The following ADD2 variants were observed in gnomAD, a reference collection of about 807,000 sequenced individuals.
ADD2 encodes beta-adducin.
In ADD2, 23 loss-of-function variants were observed where a neutral mutation model predicts 83.0. That is an observed-to-expected ratio of 0.28 (90% confidence interval 0.20 to 0.39). The LOEUF is 0.39. ADD2 is among the 10% of genes least tolerant of loss of function. The probability of loss-of-function intolerance (pLI) is 1.00; values close to 1 mark genes in which losing one functional copy is unlikely to be tolerated. For missense variants in ADD2, 758 were observed against 944.9 expected, an observed-to-expected ratio of 0.80 and a Z score of 2.59; for synonymous variants, 375 against 375.4, an observed-to-expected ratio of 1.00 and a Z score of 0.01.
At chr2:70,738,421 T>C (rs1488125238) in intron 1 of ADD2, among the ~76,000 whole-genome samples, 2 of 152,210 alleles carry the variant, frequency 1.3e-5, no homozygotes, top group Non-Finnish European at 2.9e-5. Context: ...GGGATTCATA[T>C]AGGCACTTGT....
chr2:70,692,631 C>T, intron 6 of ADD2, 79 bp from the exon 7 acceptor site: 1 of 1,429,294 alleles, frequency 7.0e-7, no homozygotes, highest in Non-Finnish European at 9.3e-7. Flanking sequence ...GTGGGCCCAG[C>T]ATGTGCCGCC....
At chr2:70,695,896 C>T in intron 5 of ADD2, 95 bp from the exon 6 acceptor site, 1 of 1,042,134 alleles carries the variant, frequency 9.6e-7, no homozygotes, top group Non-Finnish European at 1.5e-6. Context: ...GAATCTACTG[C>T]ACCCAAGTCC....
rs151334053 is a variant in ADD2, at chr2:70,764,671, C to A, written c.-154+3215G>T. On this transcript the variant is annotated intron_variant, in intron 1 of 15. Coordinates refer to ENST00000264436, the MANE Select transcript of ADD2 (RefSeq NM_001617.4). Reference sequence around the variant, plus strand: ...TAGTGGCTCATGCCTGTAGTCACAGCTACTCAGGAGGGAGAGGTGGGAGGA... The same window carrying A: ...TAGTGGCTCATGCCTGTAGTCACAGATACTCAGGAGGGAGAGGTGGGAGGA... Among the ~76,000 whole-genome samples, 732 of 152,080 alleles carry A rather than the reference C, an allele frequency of 4.8e-3. 28 individuals carry two copies. The highest frequency in any genetic ancestry group is 0.016 in the African/African-American group (680 of 41,318).
chr2:70,697,682 A>G (rs1671377965), intron 4 of ADD2, among the ~76,000 whole-genome samples: 1 of 152,162 alleles, frequency 6.6e-6, no homozygotes, highest in Admixed American at 6.5e-5. Context: ...TACGATGTAT[A>G]TCCTGCATCG....
chr2:70,741,860 C>T (rs1416325694), intron 1 of ADD2, among the ~76,000 whole-genome samples: 1 of 152,206 alleles, frequency 6.6e-6, no homozygotes, highest in African/African-American at 2.4e-5. Flanking sequence ...TTGTGATCAG[C>T]AGCCTCGGTC....
chr2:70,742,146 T>C (rs139360607), intron 1 of ADD2, among the ~76,000 whole-genome samples: 231 of 152,366 alleles, frequency 1.5e-3, no homozygotes, highest in Admixed American at 3.8e-3. Flanking sequence ...ACCAATACCT[T>C]GTGCTAATTC....
intron 9 of ADD2, among the ~76,000 whole-genome samples, chr2:70,685,047 G>A (rs1454528354): frequency 2.0e-5 from 3 of 152,144 alleles, no homozygotes; most frequent in Admixed American, 6.5e-5. Context: ...AAGAGACAAT[G>A]GCTTATGAAT....
At position 70,657,504 on chromosome 2, in the gene ADD2, T is replaced by A. The variant is rs1675400801; in HGVS notation, c.*5921A>T. 1 of 152,066 alleles carries A rather than the reference T, an allele frequency of 6.6e-6. No individual in the cohort carries two copies. Among genetic ancestry groups the A allele is most frequent in the Admixed American group, 6.6e-5 (1 of 15,266 alleles). The allele number at this position is 152,066 out of a possible 1,614,324, so 9.4% of individuals were successfully genotyped here. A position where few individuals can be genotyped will look rare whatever the true frequency, so the allele number is the denominator to read the frequency against. On this transcript the variant is annotated 3_prime_UTR_variant, in exon 16 of 16. Coordinates refer to ENST00000264436, the MANE Select transcript of ADD2 (RefSeq NM_001617.4). ...AGGTGGGGCAGTCCTTGGGTATCAA[T>A]CAATCACCCACAAAGCAGGACCAAC...
intron 1 of ADD2, among the ~76,000 whole-genome samples, chr2:70,741,756 C>T (rs184017708): frequency 5.9e-4 from 90 of 152,294 alleles, no homozygotes; most frequent in Admixed American, 2.0e-3. Flanking sequence ...CACTGAAACT[C>T]AATGGACATG....
rs1045697447 is a variant in ADD2, at chr2:70,656,911, G to T, written c.*6514C>A. The T allele has an allele frequency of 1.3e-5, 2 of 152,124 alleles. No individual in the cohort carries two copies. Among genetic ancestry groups the T allele is most frequent in the East Asian group, 1.9e-4 (1 of 5,188 alleles). The allele number at this position is 152,124 out of a possible 1,614,324, so 9.4% of individuals were successfully genotyped here. On this transcript the variant is annotated 3_prime_UTR_variant, in exon 16 of 16. Coordinates refer to ENST00000264436, the MANE Select transcript of ADD2 (RefSeq NM_001617.4). The stretch of plus-strand genomic sequence containing the variant: ...CGTCAGACACCAAAGCAGCAGGAGG[G>T]CTCAGGAAGTGGCTTTGGAAAGTTC...
At chr2:70,707,661 C>T (rs550520178) in intron 2 of ADD2, among the ~76,000 whole-genome samples, 1 of 152,368 alleles carries the variant, frequency 6.6e-6, no homozygotes, top group South Asian at 2.1e-4. Context: ...TTGGCCTTCT[C>T]CCTGCTGGCT....
At position 70,676,823 on chromosome 2, in the gene ADD2, G is replaced by A. The variant is rs148402316; in HGVS notation, c.1566C>T (p.Ser522=). 289 of 1,614,190 alleles carry A rather than the reference G, an allele frequency of 1.8e-4. No individual in the cohort carries two copies. The African/African-American group carries it at 3.5e-3, about 19-fold the overall frequency. ...GGCTTCGGCTCTTCTCGGCAATGAC[G>A]CTCGCCAGGAGCTGGGACTGAGGCC... ...SAGPQSQLLA[S]VIAEKSRSPS... Residue 522 remains serine, a synonymous_variant, in exon 13 of 16, where the codon AGC becomes AGT. Transcript: ENST00000264436. This position sits in a 1 kb window ranked among gnomAD's most constrained non-coding sequence, Gnocchi z 4.8.
At chr2:70,679,874 T>G (rs1409013861) in intron 10 of ADD2, among the ~76,000 whole-genome samples, 1 of 152,146 alleles carries the variant, frequency 6.6e-6, no homozygotes, top group Non-Finnish European at 1.5e-5. Flanking sequence ...CCTTTGTAAA[T>G]TGTTTATGTT....
intron 4 of ADD2, among the ~76,000 whole-genome samples, chr2:70,703,117 G>A (rs547059825): frequency 7.3e-5 from 11 of 150,148 alleles, no homozygotes; most frequent in East Asian, 3.9e-4. Context: ...GAGATTCTGC[G>A]TGAAAGAAAG....
chr2:70,708,593 C>T (rs1187663013), intron 2 of ADD2, among the ~76,000 whole-genome samples: 2 of 152,190 alleles, frequency 1.3e-5, no homozygotes, highest in African/African-American at 4.8e-5. Flanking sequence ...CTGACTCTCA[C>T]ATCACAGGCC....
At chr2:70,704,273 ACCCTC>A in intron 4 of ADD2, 43 bp downstream of exon 4, 2 of 523,336 alleles carry the variant, frequency 3.8e-6, no homozygotes, top group Non-Finnish European at 6.1e-6. Flanking sequence ...TCCCCACCCC[ACCCTC>A]CCCTCCACCT....
Position 70,706,031 on chromosome 2 carries a change from G to A in ADD2, c.183+195C>T, listed in dbSNP as rs1671867209. 6.6e-6 allele frequency among the ~76,000 whole-genome samples: 1 copy of A among 152,226 alleles called. No individual in the cohort carries two copies. Among genetic ancestry groups the A allele is most frequent in the Non-Finnish European group, 1.5e-5 (1 of 68,040 alleles). On this transcript the variant is annotated intron_variant, in intron 3 of 15. Coordinates refer to ENST00000264436, the MANE Select transcript of ADD2 (RefSeq NM_001617.4). The surrounding 1 kb of genome is among the most constrained non-coding windows in gnomAD (Gnocchi z 5.0). ...CACCAAGCCAAACTGCCACACACAA[G>A]CCAGGTTCTGCCATCCACCAGTTAC...
chr2:70,664,793 G>T (rs895445202), intron 15 of ADD2, among the ~76,000 whole-genome samples: 2 of 151,918 alleles, frequency 1.3e-5, no homozygotes, highest in African/African-American at 2.4e-5. Context: ...GTTGTGTGTG[G>T]TGTAAGTGTG....
Position 70,750,511 on chromosome 2 carries a change from G to A in ADD2, c.-154+17375C>T, listed in dbSNP as rs374489273. Among the ~76,000 whole-genome samples the A allele has an allele frequency of 4.6e-5, 7 of 152,286 alleles. 1 individual carries two copies. In the East Asian group the frequency reaches 1.2e-3, roughly 25 times the overall value. On this transcript the variant is annotated intron_variant, in intron 1 of 15. Transcript: ENST00000264436. Reference sequence around the variant, plus strand: ...GGAAGATTTAGTCATCAAAGTCATAGAGAAGACACACACACACAGAGGAAA... The same window carrying A: ...GGAAGATTTAGTCATCAAAGTCATAAAGAAGACACACACACACAGAGGAAA...
Sources: allele counts gnomAD v4.1 joint callset (sites outside exome capture counted in the v4.1 genomes callset), GRCh38; gene constraint gnomAD v4.1.1; non-coding constraint Gnocchi (gnomAD v3.1); transcripts MANE v1.5; gene names NCBI Gene and HGNC (gene_info 2026-07-23, HGNC 2026-07-21).